Variants in NFILZ observed in about 807,000 individuals in gnomAD.
NFILZ encodes NFIL3 like protein.
Position 8,681,021 on chromosome 19 carries a change from C to A in NFILZ, c.*3386C>A, listed in dbSNP as rs1004420203. On this transcript the variant is annotated 3_prime_UTR_variant, in exon 6 of 6. Transcript: ENST00000691075. ...AGGACTTTGTGGGCCAAGGTGAGGA[C>A]TTTGGCTTCCTTTCTGAGTGATATG... Among the ~76,000 whole-genome samples the A allele has an allele frequency of 6.6e-6, 1 of 151,824 alleles. No homozygotes were observed. The highest frequency in any genetic ancestry group is 1.5e-5 in the Non-Finnish European group (1 of 67,978).
At chr19:8,663,518 G>A (rs2146163801) in intron 3 of NFILZ, among the ~76,000 whole-genome samples, 1 of 148,104 alleles carries the variant, frequency 6.8e-6, no homozygotes, top group South Asian at 2.1e-4. Context: ...GGGTGGAACT[G>A]CCATGAACTG....
intron 3 of NFILZ, among the ~76,000 whole-genome samples, chr19:8,672,692 A>G (rs1368222467): frequency 6.6e-6 from 1 of 150,842 alleles, no homozygotes; most frequent in Non-Finnish European, 1.5e-5. Context: ...TCATTCAAAA[A>G]TATTCAGGCA....
At chr19:8,645,299 G>GAT (rs1243866173) in intron 3 of NFILZ, among the ~76,000 whole-genome samples, 3 of 135,930 alleles carry the variant, frequency 2.2e-5, no homozygotes, top group Non-Finnish European at 4.6e-5. Flanking sequence ...ACACCTGGGT[G>GAT]ATTTTTTTTT....
rs77012707 is a variant in NFILZ, at chr19:8,661,416, T to G, written c.-163-13135T>G. Among the ~76,000 whole-genome samples the G allele has an allele frequency of 8.3e-3, 1,256 of 152,110 alleles. 16 individuals are homozygous for G. The highest frequency in any genetic ancestry group is 0.029 in the African/African-American group (1,195 of 41,500). ...TTCATCCATCCGTGGTCACTTAAAT[T>G]GCTTCCATATCTGTGCTATTGTGAA... On this transcript the variant is annotated intron_variant, in intron 3 of 5. Transcript: ENST00000691075.
intron 1 of NFILZ, among the ~76,000 whole-genome samples, chr19:8,632,245 A>AGTGTGTGTGTGT (rs35056229): frequency 0.013 from 1,946 of 145,294 alleles, 44 homozygotes; most frequent in African/African-American, 0.046. Context: ...CCCGCCATAC[A>AGTGTGTGTGTGT]GTGTGTGTGT....
chr19:8,663,899 G>A (rs77722984), intron 3 of NFILZ, among the ~76,000 whole-genome samples: 1 of 152,072 alleles, frequency 6.6e-6, no homozygotes, highest in Non-Finnish European at 1.5e-5. Context: ...GTGGGAGCTG[G>A]GGCTTGGCCT....
At chr19:8,654,263 CAAACCAAA>C (rs2042982054) in intron 3 of NFILZ, among the ~76,000 whole-genome samples, 1 of 148,814 alleles carries the variant, frequency 6.7e-6, no homozygotes, top group South Asian at 2.1e-4. Context: ...AACAAACAAA[CAAACCAAA>C]AAACCAAAAA....
intron 3 of NFILZ, among the ~76,000 whole-genome samples, chr19:8,659,586 C>T (rs1228622912): frequency 1.3e-5 from 2 of 152,190 alleles, no homozygotes; most frequent in African/African-American, 4.8e-5. Context: ...AGTCTTGATC[C>T]GTTAAAGGTT....
chr19:8,670,873 T>C (rs2043083381), intron 3 of NFILZ, among the ~76,000 whole-genome samples: 1 of 151,686 alleles, frequency 6.6e-6, no homozygotes, highest in Non-Finnish European at 1.5e-5. Flanking sequence ...CAAGCATCTG[T>C]AATCCCAGCT....
At chr19:8,652,117 T>TC (rs2042967122) in intron 3 of NFILZ, among the ~76,000 whole-genome samples, 1 of 151,950 alleles carries the variant, frequency 6.6e-6, no homozygotes, top group African/African-American at 2.4e-5. Context: ...TTTTTTTTTT[T>TC]TTTGAAACGG....
At chr19:8,669,677 TAGGA>T in intron 3 of NFILZ, among the ~76,000 whole-genome samples, 1 of 152,272 alleles carries the variant, frequency 6.6e-6, no homozygotes, top group Non-Finnish European at 1.5e-5. Context: ...CCTGGTGCAT[TAGGA>T]AGGGTTTGGG....
At chr19:8,642,682 T>G (rs1555746752) in intron 3 of NFILZ, among the ~76,000 whole-genome samples, 1 of 152,122 alleles carries the variant, frequency 6.6e-6, no homozygotes, top group African/African-American at 2.4e-5. Context: ...CCATGGTGGT[T>G]GCAGAGTTGC....
intron 3 of NFILZ, among the ~76,000 whole-genome samples, chr19:8,654,113 T>C (rs1555748063): frequency 6.6e-6 from 1 of 152,036 alleles, no homozygotes; most frequent in Admixed American, 6.6e-5. Flanking sequence ...GTGCCTGTAG[T>C]CCCAGCTAAT....
rs1333319544 is a variant in NFILZ at position 8,648,088 on chromosome 19, G to C, written c.-164+12342G>C. Among the ~76,000 whole-genome samples the C allele has an allele frequency of 6.8e-5, 10 of 146,246 alleles. No homozygotes were observed. The Admixed American group carries it at 7.1e-4, about 10-fold the overall frequency. On this transcript the variant is annotated intron_variant, in intron 3 of 5. Coordinates refer to ENST00000691075, the MANE Select transcript of NFILZ (RefSeq NM_001378600.1). ...ACTTGGGAGGCTGAGGCAGGAGAAT[G>C]CTGTGAACCTGGGAGGTGGAGCTTG...
At chr19:8,637,230 C>T (rs2146136031) in intron 3 of NFILZ, among the ~76,000 whole-genome samples, 1 of 152,084 alleles carries the variant, frequency 6.6e-6, no homozygotes, top group African/African-American at 2.4e-5. Context: ...CATATAATCT[C>T]AGCTCTCAGA....
intron 3 of NFILZ, among the ~76,000 whole-genome samples, chr19:8,655,915 G>T (rs2042989946): frequency 6.6e-6 from 1 of 151,876 alleles, no homozygotes; most frequent in Non-Finnish European, 1.5e-5. Context: ...CTGGTTCAGG[G>T]GGGGTCTCTG....
Position 8,679,581 on chromosome 19 carries a change from A to G in NFILZ, c.*1946A>G, listed in dbSNP as rs2043136053. Among the ~76,000 whole-genome samples, 1 of 152,098 alleles carries G rather than the reference A, an allele frequency of 6.6e-6. No homozygotes were observed. Among genetic ancestry groups the G allele is most frequent in the African/African-American group, 2.4e-5 (1 of 41,416 alleles). Reference sequence around the variant, plus strand: ...CTCACTAGTACAACAGGTGGGCAGTATCACCAAACAGGCCAAGAGCTCCCC... The same window carrying G: ...CTCACTAGTACAACAGGTGGGCAGTGTCACCAAACAGGCCAAGAGCTCCCC... On this transcript the variant is annotated 3_prime_UTR_variant, in exon 6 of 6. Transcript: ENST00000691075.
chr19:8,633,737 C>T (rs1396720351), intron 2 of NFILZ, among the ~76,000 whole-genome samples: 3 of 152,200 alleles, frequency 2.0e-5, no homozygotes, highest in Admixed American at 1.3e-4. Context: ...ACAAGGCCCC[C>T]TGCCTCCTGG....
chr19:8,639,468 G>A (rs1281988775), intron 3 of NFILZ, among the ~76,000 whole-genome samples: 3 of 152,120 alleles, frequency 2.0e-5, no homozygotes, highest in Non-Finnish European at 2.9e-5. Context: ...ATGGTGGCAT[G>A]TGCCTGTAGT....
Sources: gnomAD v4.1 joint callset for allele counts (sites outside exome capture counted in the v4.1 genomes callset) on GRCh38, gnomAD v4.1.1 for gene constraint, MANE v1.5 for transcripts, NCBI Gene and HGNC (gene_info 2026-07-23, HGNC 2026-07-21) for gene names.